Variants in DIAPH3 observed in about 807,000 individuals in gnomAD.
The protein encoded by DIAPH3 is protein diaphanous homolog 3.
A neutral mutation model predicts 144.3 loss-of-function variants in DIAPH3; 117 were observed. The ratio of observed to expected loss-of-function variants is 0.81; its 90% CI spans 0.70 to 0.95. The LOEUF is 0.95. DIAPH3 is among the 40% of genes least tolerant of loss of function. The probability of loss-of-function intolerance (pLI) is 0.00; values close to 1 mark genes in which losing one functional copy is unlikely to be tolerated. For synonymous variants in DIAPH3, 519 were observed against 488.9 expected, an observed-to-expected ratio of 1.06 and a Z score of -0.81; for missense variants, 1,421 against 1,412.7, an observed-to-expected ratio of 1.01 and a Z score of -0.09.
At chr13:59,924,974 T>C (rs986439282) in intron 17 of DIAPH3, 104 bp from the exon 18 acceptor site, 2 of 1,473,666 alleles carry the variant, frequency 1.4e-6, no homozygotes. Context: ...AGGATGTAAC[T>C]CTTCTAAATA....
intron 25 of DIAPH3, among the ~76,000 whole-genome samples, chr13:59,775,543 G>A (rs75537634): frequency 0.017 from 2,537 of 152,174 alleles, 75 homozygotes; most frequent in East Asian, 0.12. Flanking sequence ...CACACGGCCC[G>A]GGAGAGTGTT....
intron 4 of DIAPH3, among the ~76,000 whole-genome samples, chr13:60,093,145 T>C (rs140557021): frequency 1.0e-3 from 156 of 152,298 alleles, no homozygotes; most frequent in Middle Eastern, 3.4e-3. Context: ...CTCTAGAAAA[T>C]TGGCAGCCAT....
At chr13:59,833,306 A>G (rs759622096) in intron 23 of DIAPH3, 35 bp from the exon 24 acceptor site, 4 of 1,555,424 alleles carry the variant, frequency 2.6e-6, no homozygotes, top group Non-Finnish European at 1.8e-6. Context: ...AAATTTACAA[A>G]GTAATGCTTT....
At chr13:59,826,882 T>C (rs955933313) in intron 24 of DIAPH3, among the ~76,000 whole-genome samples, 11 of 151,674 alleles carry the variant, frequency 7.3e-5, no homozygotes, top group South Asian at 2.1e-4. Context: ...ACGCCGCATA[T>C]CTACAACTAT....
At chr13:59,851,372 G>A (rs1400189158) in intron 22 of DIAPH3, among the ~76,000 whole-genome samples, 2 of 152,014 alleles carry the variant, frequency 1.3e-5, no homozygotes, top group African/African-American at 4.8e-5. Context: ...GCCTCTCTAC[G>A]ACTCTTTTAT....
chr13:60,028,787 A>G (rs1265079517), intron 5 of DIAPH3, among the ~76,000 whole-genome samples: 1 of 152,162 alleles, frequency 6.6e-6, no homozygotes, highest in African/African-American at 2.4e-5. Flanking sequence ...TTGGCCGGGC[A>G]CGGTGCCTCA....
intron 21 of DIAPH3, 131 bp downstream of exon 21, chr13:59,879,098 A>G: frequency 7.7e-7 from 1 of 1,301,570 alleles, no homozygotes. Flanking sequence ...TCTGGGTTTG[A>G]GTTCATGGTT....
At chr13:59,941,979 C>T (rs1175273277) in intron 17 of DIAPH3, among the ~76,000 whole-genome samples, 2 of 152,134 alleles carry the variant, frequency 1.3e-5, no homozygotes, top group African/African-American at 4.8e-5. Flanking sequence ...AACATCTTAT[C>T]CCCATACTTA....
At chr13:59,685,464 T>C (rs2033165768) in intron 27 of DIAPH3, among the ~76,000 whole-genome samples, 1 of 152,162 alleles carries the variant, frequency 6.6e-6, no homozygotes, top group Non-Finnish European at 1.5e-5. Flanking sequence ...GAAGCAGGTA[T>C]GTGGACACAT....
chr13:59,845,309 T>C (rs2042571580), intron 22 of DIAPH3, among the ~76,000 whole-genome samples: 1 of 152,126 alleles, frequency 6.6e-6, no homozygotes, highest in Admixed American at 6.5e-5. Context: ...CCCAAAGTGT[T>C]GGAATTACAG....
chr13:59,781,408 T>C (rs2038729834), intron 25 of DIAPH3, among the ~76,000 whole-genome samples: 1 of 152,162 alleles, frequency 6.6e-6, no homozygotes, highest in African/African-American at 2.4e-5. Flanking sequence ...GATGTGCTTT[T>C]GCAAAACCAA....
chr13:60,144,200 T>G (rs1040984998), intron 1 of DIAPH3, among the ~76,000 whole-genome samples: 3 of 152,164 alleles, frequency 2.0e-5, no homozygotes, highest in Admixed American at 2.0e-4. Flanking sequence ...TGAAAGCTTG[T>G]TTTCTTTTCC....
chr13:59,997,536 T>A (rs139987115), intron 9 of DIAPH3, among the ~76,000 whole-genome samples: 285 of 152,226 alleles, frequency 1.9e-3, no homozygotes, highest in African/African-American at 6.3e-3. Flanking sequence ...TTGAAATATT[T>A]ATTTATTTTC....
At chr13:59,784,117 C>T (rs1318266827) in intron 25 of DIAPH3, among the ~76,000 whole-genome samples, 5 of 152,156 alleles carry the variant, frequency 3.3e-5, no homozygotes, top group Non-Finnish European at 5.9e-5. Context: ...AAGTCTTGCT[C>T]TGTCGCCCAG....
chr13:60,120,733 G>A (rs1001493929), intron 2 of DIAPH3, among the ~76,000 whole-genome samples: 12 of 152,072 alleles, frequency 7.9e-5, no homozygotes, highest in Non-Finnish European at 1.3e-4. Flanking sequence ...AGGCCTCCCC[G>A]CACCAATTAG....
At chr13:59,721,859 A>G (rs2035360744) in intron 27 of DIAPH3, among the ~76,000 whole-genome samples, 1 of 152,186 alleles carries the variant, frequency 6.6e-6, no homozygotes, top group African/African-American at 2.4e-5. Context: ...GTCCAGAAGA[A>G]CAAGAGCAAA....
At chr13:59,854,229 C>T (rs888170545) in intron 22 of DIAPH3, among the ~76,000 whole-genome samples, 2 of 152,126 alleles carry the variant, frequency 1.3e-5, no homozygotes, top group Non-Finnish European at 2.9e-5. Context: ...AGCATGGATG[C>T]TTCCTCCCCT....
intron 25 of DIAPH3, among the ~76,000 whole-genome samples, chr13:59,802,261 T>G (rs991130750): frequency 6.6e-6 from 1 of 152,164 alleles, no homozygotes; most frequent in African/African-American, 2.4e-5. Context: ...GCTGAAACAA[T>G]CAGCAGCCCA....
chr13:59,723,609 CT>C (rs964069808), intron 27 of DIAPH3, among the ~76,000 whole-genome samples: 127 of 143,952 alleles, frequency 8.8e-4, no homozygotes, highest in Admixed American at 9.7e-4. Context: ...AAATGATGGT[CT>C]TTTTTTTTTT....
Sources: allele counts gnomAD v4.1 joint callset (sites outside exome capture counted in the v4.1 genomes callset), GRCh38; gene constraint gnomAD v4.1.1; transcripts MANE v1.5; gene names NCBI Gene and HGNC (gene_info 2026-07-23, HGNC 2026-07-21).